HPCAL1: variants seen among roughly 807,000 people sequenced by gnomAD.
HPCAL1 encodes the protein hippocalcin like 1.
Under a neutral mutation model 17.1 loss-of-function variants are expected in HPCAL1, and 8 were observed. The observed-to-expected ratio is 0.47, with a 90% CI of 0.27 to 0.84. HPCAL1 has a LOEUF of 0.84. Ranked by LOEUF, HPCAL1 falls within the 40% of genes least tolerant of loss-of-function variation. The pLI is 0.13. For missense variants in HPCAL1, 165 were observed against 271.1 expected (o/e 0.61, Z 2.75); for synonymous variants, 112 against 111.4 (o/e 1.01, Z -0.03).
intron 2 of HPCAL1, among the ~76,000 whole-genome samples, chr2:10,401,104 A>T (rs1669579409): frequency 6.6e-6 from 1 of 152,046 alleles, no homozygotes; most frequent in East Asian, 1.9e-4. Flanking sequence ...CTGCACAAGG[A>T]CACTCCCCTG....
chr2:10,345,820 TCA>T (rs2125451719), intron 1 of HPCAL1, among the ~76,000 whole-genome samples: 1 of 152,328 alleles, frequency 6.6e-6, no homozygotes, highest in Non-Finnish European at 1.5e-5. Flanking sequence ...ACATGCATGT[TCA>T]CTGTAAAATA....
intron 1 of HPCAL1, among the ~76,000 whole-genome samples, chr2:10,309,367 G>C (rs184017197): frequency 6.6e-6 from 1 of 152,298 alleles, no homozygotes; most frequent in Admixed American, 6.5e-5. Context: ...AAACTGAGGA[G>C]GCCCAGAGCA....
At chr2:10,345,520 A>G (rs985021764) in intron 1 of HPCAL1, among the ~76,000 whole-genome samples, 1 of 150,480 alleles carries the variant, frequency 6.6e-6, no homozygotes, top group African/African-American at 2.5e-5. Flanking sequence ...GTGGTGGCAC[A>G]ATCTTGGCCT....
At position 10,377,804 on chromosome 2, in the gene HPCAL1, C is replaced by G. The variant is rs1389176553; in HGVS notation, c.-110-19031C>G. On this transcript the variant is annotated intron_variant, in intron 1 of 4. Coordinates refer to ENST00000307845, the MANE Select transcript of HPCAL1 (RefSeq NM_002149.4). The surrounding 1 kb of genome is among the most constrained non-coding windows in gnomAD (Gnocchi z 5.9). ...TAAAGGGACACCAGAATCCCCATCC[C>G]CATCCCCAGGGTGGTGAGCCACCGA... Among the ~76,000 whole-genome samples, 1 of 152,136 alleles carries G rather than the reference C, an allele frequency of 6.6e-6. No homozygotes were observed. Among genetic ancestry groups the G allele is most frequent in the Non-Finnish European group, 1.5e-5 (1 of 68,028 alleles).
intron 1 of HPCAL1, among the ~76,000 whole-genome samples, chr2:10,366,312 T>A (rs1666848561): frequency 6.6e-6 from 1 of 152,204 alleles, no homozygotes; most frequent in South Asian, 2.1e-4. Context: ...CTCGTCTCAC[T>A]GCAACCTCTG....
At chr2:10,387,302 C>T (rs566591280) in intron 1 of HPCAL1, among the ~76,000 whole-genome samples, 80 of 152,384 alleles carry the variant, frequency 5.2e-4, no homozygotes, top group African/African-American at 1.6e-3. Context: ...CCCACGGTAC[C>T]GTGGAGGAAG....
At chr2:10,356,318 G>A (rs549615617) in intron 1 of HPCAL1, among the ~76,000 whole-genome samples, 1 of 152,324 alleles carries the variant, frequency 6.6e-6, no homozygotes, top group Admixed American at 6.5e-5. Flanking sequence ...ACGCCTCTTA[G>A]TGCCAAGGGA....
chr2:10,424,282 A>AAC (rs1007132461), intron 4 of HPCAL1: 10 of 342,906 alleles, frequency 2.9e-5, no homozygotes, highest in East Asian at 1.5e-4. Context: ...ACAGTTTCAA[A>AAC]ACACACACAC....
chr2:10,316,898 G>T (rs1380691502), intron 1 of HPCAL1, among the ~76,000 whole-genome samples: 1 of 152,044 alleles, frequency 6.6e-6, no homozygotes, highest in Non-Finnish European at 1.5e-5. Flanking sequence ...ATCACGTCTG[G>T]TAAATAATTT....
chr2:10,402,719 T>C (rs1193041217), intron 2 of HPCAL1, among the ~76,000 whole-genome samples: 2 of 151,482 alleles, frequency 1.3e-5, no homozygotes, highest in African/African-American at 4.9e-5. Flanking sequence ...CACTGGAGGT[T>C]CCCTTCCAAA....
chr2:10,420,156 G>T, intron 3 of HPCAL1, 21 bp downstream of exon 3: 1 of 1,590,066 alleles, frequency 6.3e-7, no homozygotes, highest in South Asian at 1.1e-5. Flanking sequence ...CCGAGGCCCC[G>T]GGTCTCACCG....
rs1419657727 is a variant in HPCAL1, at chr2:10,427,434, G to C, written c.*613G>C. 1.3e-5 allele frequency: 2 copies of C among 152,590 alleles called. No homozygotes were observed. The allele number at this position is 152,590 out of a possible 1,614,324, so 9.5% of individuals were successfully genotyped here. The stretch of plus-strand genomic sequence containing the variant: ...CTGTGGCCCGCAGCCCCCTGAGCCT[G>C]GCTGTTGTGTGGTATTTATGCTCTC... On this transcript the variant is annotated 3_prime_UTR_variant, in exon 5 of 5. Coordinates refer to ENST00000307845, the MANE Select transcript of HPCAL1 (RefSeq NM_002149.4).
Position 10,324,129 on chromosome 2 carries a change from T to G in HPCAL1, c.-111+20952T>G, listed in dbSNP as rs550790693. 4.6e-5 allele frequency among the ~76,000 whole-genome samples: 7 copies of G among 152,374 alleles called. No individual in the cohort carries two copies. In the East Asian group the frequency reaches 1.3e-3, roughly 29 times the overall value. On this transcript the variant is annotated intron_variant, in intron 1 of 4. Coordinates refer to ENST00000307845, the MANE Select transcript of HPCAL1 (RefSeq NM_002149.4). ...TCACTCATCCTGTTGTTATTAAGGG[T>G]GAAACCCAGACATTTCCTTATGTAA...
chr2:10,316,707 C>T (rs1023871865), intron 1 of HPCAL1, among the ~76,000 whole-genome samples: 1 of 152,142 alleles, frequency 6.6e-6, no homozygotes, highest in South Asian at 2.1e-4. Flanking sequence ...ATGCTGGGGC[C>T]GGGCTGCCTC....
intron 1 of HPCAL1, among the ~76,000 whole-genome samples, chr2:10,371,224 G>C (rs1174456426): frequency 6.6e-6 from 1 of 152,180 alleles, no homozygotes; most frequent in Admixed American, 6.5e-5. Context: ...TGGCCACCGG[G>C]GTTGGAGGGG....
intron 2 of HPCAL1, among the ~76,000 whole-genome samples, chr2:10,400,780 C>CAT (rs397762999): frequency 1.3e-5 from 2 of 151,926 alleles, no homozygotes; most frequent in Non-Finnish European, 2.9e-5. Context: ...CATACACACA[C>CAT]GCACACACAT....
At chr2:10,375,390 G>A (rs569341919) in intron 1 of HPCAL1, among the ~76,000 whole-genome samples, 3 of 152,296 alleles carry the variant, frequency 2.0e-5, no homozygotes, top group Admixed American at 6.5e-5. Flanking sequence ...CCCAGGACTC[G>A]GGGCTTTCCT....
rs1350561978 is a variant in HPCAL1, at chr2:10,394,351, T to G, written c.-110-2484T>G. On this transcript the variant is annotated intron_variant, in intron 1 of 4. Transcript: ENST00000307845. This position sits in a 1 kb window ranked among gnomAD's most constrained non-coding sequence, Gnocchi z 5.0. ...GGACCTGGTACATTCTGCTGCTGGT[T>G]CCATTGCTGGGTTTCTCCTCGTGGA... Among the ~76,000 whole-genome samples the G allele has an allele frequency of 1.3e-5, 2 of 152,070 alleles. No homozygotes were observed. The highest frequency in any genetic ancestry group is 2.9e-5 in the Non-Finnish European group (2 of 68,014).
Position 10,331,554 on chromosome 2 carries a change from C to A in HPCAL1, c.-111+28377C>A, listed in dbSNP as rs1359410076. Among the ~76,000 whole-genome samples, 1 of 152,188 alleles carries A rather than the reference C, an allele frequency of 6.6e-6. No homozygotes were observed. Among genetic ancestry groups the A allele is most frequent in the Non-Finnish European group, 1.5e-5 (1 of 68,026 alleles). ...ACCCTCCCAGGAGCTTTTCCACGGC[C>A]AAGCGCTGGCTGGTGGTGGAGCTGC... On this transcript the variant is annotated intron_variant, in intron 1 of 4. Coordinates refer to ENST00000307845, the MANE Select transcript of HPCAL1 (RefSeq NM_002149.4). The surrounding 1 kb of genome is among the most constrained non-coding windows in gnomAD (Gnocchi z 5.0).
Sources: allele counts gnomAD v4.1 joint callset (sites outside exome capture counted in the v4.1 genomes callset), GRCh38; gene constraint gnomAD v4.1.1; non-coding constraint Gnocchi (gnomAD v3.1); transcripts MANE v1.5; gene names NCBI Gene and HGNC (gene_info 2026-07-23, HGNC 2026-07-21).